Variants in CHFR observed in about 807,000 individuals in gnomAD.
CHFR encodes the protein checkpoint with forkhead and ring finger domains, also known as E3 ubiquitin-protein ligase CHFR.
In CHFR, 57 loss-of-function variants were observed where a neutral mutation model predicts 87.6. The ratio of observed to expected loss-of-function variants is 0.65; its 90% CI spans 0.53 to 0.81. CHFR has a LOEUF of 0.81. Among genes scored for constraint, CHFR ranks in the 30% least tolerant of loss-of-function variants. The probability of loss-of-function intolerance (pLI) is 0.00; values close to 1 mark genes in which losing one functional copy is unlikely to be tolerated. For synonymous variants in CHFR, 381 were observed against 359.2 expected (o/e 1.06, Z -0.69); for missense variants, 797 against 865.8 (o/e 0.92, Z 1.00).
intron 11 of CHFR, among the ~76,000 whole-genome samples, chr12:132,852,516 C>A (rs1349685606): frequency 6.8e-6 from 1 of 146,710 alleles, no homozygotes; most frequent in African/African-American, 2.4e-5. Context: ...ACAGGAAAGA[C>A]CCTGCGAGGT....
intron 15 of CHFR, among the ~76,000 whole-genome samples, chr12:132,846,285 C>T (rs1472663929): frequency 7.0e-5 from 8 of 114,530 alleles, no homozygotes; most frequent in African/African-American, 1.5e-4. Flanking sequence ...TTTTTTGAGA[C>T]GGAGTCTCGC....
At chr12:132,877,219 T>C (rs1307746007) in intron 3 of CHFR, among the ~76,000 whole-genome samples, 1 of 152,232 alleles carries the variant, frequency 6.6e-6, no homozygotes. Context: ...TACAACTGCC[T>C]ATAGCATTCA....
Position 132,878,446 on chromosome 12 carries a change from G to C in CHFR, c.134-792C>G, listed in dbSNP as rs533823179. Among the ~76,000 whole-genome samples the C allele has an allele frequency of 9.2e-5, 14 of 151,598 alleles. No homozygotes were observed. The East Asian group carries it at 2.5e-3, about 27-fold the overall frequency. On this transcript the variant is annotated intron_variant, in intron 2 of 17. Coordinates refer to ENST00000450056, the MANE Select transcript of CHFR (RefSeq NM_001161346.2). ...ATCGCGCCACTGCACTCCAGCCTTG[G>C]CGACAGAGCTAGACTCCAACTGGAA... is the stretch of plus-strand genomic sequence containing the variant.
intron 4 of CHFR, chr12:132,872,053 G>A: frequency 2.2e-6 from 1 of 458,428 alleles, no homozygotes; most frequent in South Asian, 4.5e-5. Flanking sequence ...TTTGGGATTG[G>A]CTGCTCATGG....
chr12:132,865,558 A>G (rs1310616637), intron 6 of CHFR, among the ~76,000 whole-genome samples: 1 of 151,252 alleles, frequency 6.6e-6, no homozygotes, highest in Non-Finnish European at 1.5e-5. Flanking sequence ...TTTTCAGTAG[A>G]GACGGGGTTT....
chr12:132,872,031 C>G (rs980355111), intron 4 of CHFR: 17 of 451,868 alleles, frequency 3.8e-5, no homozygotes, highest in African/African-American at 3.4e-4. Flanking sequence ...TCAGTTTCTC[C>G]TTGGCTGCCA....
chr12:132,861,641 G>A lies in CHFR; in HGVS notation c.584-7C>T. On this transcript the variant is annotated splice_region_variant and splice_polypyrimidine_tract_variant and intron_variant, in intron 6 of 17. Transcript: ENST00000450056. ...ATGCCACCACCCCCAGACCCTGTGA[G>A]AGGAATCAAACAAGATAGGTGCTGA... The A allele has an allele frequency of 6.2e-7, 1 of 1,613,502 alleles. No individual in the cohort carries two copies. Among genetic ancestry groups the A allele is most frequent in the East Asian group, 2.2e-5 (1 of 44,856 alleles).
rs969075027 is a variant in CHFR, at chr12:132,870,655, A to G, written c.403+69T>C. 6 of 1,114,324 alleles carry G rather than the reference A, an allele frequency of 5.4e-6. No homozygotes were observed. The Admixed American group carries it at 8.8e-5, about 16-fold the overall frequency. 69.0% of individuals were successfully genotyped at this position (1,114,324 alleles called of 1,614,324 possible). A position where few individuals can be genotyped will look rare whatever the true frequency, so the allele number is the denominator to read the frequency against. On this transcript the variant is annotated intron_variant, in intron 5 of 17. Coordinates refer to ENST00000450056, the MANE Select transcript of CHFR (RefSeq NM_001161346.2). ...AGCCTGGGTAACAGAGCGAGACTCCATCTCAAAACACAAAAGGAATGCTAT... is the reference window on the plus strand; with the variant it reads ...AGCCTGGGTAACAGAGCGAGACTCCGTCTCAAAACACAAAAGGAATGCTAT...
At position 132,861,489 on chromosome 12, in the gene CHFR, G is replaced by A. The variant is rs1025589682; in HGVS notation, c.729C>T (p.Pro243=). The A allele has an allele frequency of 5.0e-6, 8 of 1,613,960 alleles. No individual in the cohort carries two copies. Among genetic ancestry groups the A allele is most frequent in the African/African-American group, 2.7e-5 (2 of 74,920 alleles). The change falls in exon 7 of 18, where the codon CCC becomes CCT. Residue 243 remains proline, a synonymous_variant. Coordinates refer to ENST00000450056, the MANE Select transcript of CHFR (RefSeq NM_001161346.2). ...AACCTCCTCTCATTTTCTTCTTCAC[G>A]GGCTCCAAATCCTCCTGATCCTGGG... ...LEPQDQEDLE[P]VKKKMRGDGD...
chr12:132,856,873 G>A (rs974114224), intron 9 of CHFR, among the ~76,000 whole-genome samples: 8 of 148,182 alleles, frequency 5.4e-5, no homozygotes, highest in African/African-American at 1.8e-4. Context: ...CTGGTGTGTG[G>A]ATGCCCTCAC....
rs1950628020 is a variant in CHFR, at chr12:132,833,324, C to T, written c.*8230G>A. ...GGGCCGTCATTCATATTTATCGTAG[C>T]CTACTGTCTGCAAGTACTATTCTAG... On this transcript the variant is annotated 3_prime_UTR_variant, in exon 18 of 18. Transcript: ENST00000450056. 1 of 152,242 alleles carries T rather than the reference C, an allele frequency of 6.6e-6. No individual in the cohort carries two copies. Among genetic ancestry groups the T allele is most frequent in the African/African-American group, 2.4e-5 (1 of 41,458 alleles). The allele number at this position is 152,242 out of a possible 1,614,324, so 9.4% of individuals were successfully genotyped here.
intron 11 of CHFR, among the ~76,000 whole-genome samples, chr12:132,852,519 T>TG (rs56322519): frequency 0.15 from 23,101 of 152,090 alleles, 2,268 homozygotes; most frequent in South Asian, 0.22. Context: ...GGAAAGACCC[T>TG]GCGAGGTCAA....
At position 132,848,743 on chromosome 12, in the gene CHFR, C is replaced by T. The variant is rs756428896; in HGVS notation, c.1493-19G>A. 1.6e-5 allele frequency: 25 copies of T among 1,557,174 alleles called. No individual in the cohort carries two copies. The highest frequency in any genetic ancestry group is 1.7e-4 in the Middle Eastern group (1 of 5,990). On this transcript the variant is annotated intron_variant, in intron 12 of 17. Coordinates refer to ENST00000450056, the MANE Select transcript of CHFR (RefSeq NM_001161346.2). ...ACCGCACCTGTGGAGAGAGGACACT[C>T]GTTACACGCACTCAGCGCTGAGGGC...
chr12:132,837,272 A>C lies in CHFR; in HGVS notation c.*4282T>G, dbSNP rs919935542. ...AATGCAGTGGCTTAAACAACTACTT[A>C]TTTCTCATGATTATATGCTGGCTGC... On this transcript the variant is annotated 3_prime_UTR_variant, in exon 18 of 18. Coordinates refer to ENST00000450056, the MANE Select transcript of CHFR (RefSeq NM_001161346.2). The C allele has an allele frequency of 3.8e-5, 7 of 182,200 alleles. No homozygotes were observed. The highest frequency in any genetic ancestry group is 7.0e-5 in the Non-Finnish European group (6 of 85,648). The allele number at this position is 182,200 out of a possible 1,614,324, so 11.3% of individuals were successfully genotyped here.
At chr12:132,868,725 T>C (rs1951414500) in intron 6 of CHFR, among the ~76,000 whole-genome samples, 1 of 150,560 alleles carries the variant, frequency 6.6e-6, no homozygotes, top group South Asian at 2.1e-4. Flanking sequence ...CTGTGAAGTG[T>C]CTAGAACAGA....
chr12:132,850,964 C>CATATATATATAT (rs55826641), intron 12 of CHFR, among the ~76,000 whole-genome samples: 93 of 135,682 alleles, frequency 6.9e-4, no homozygotes, highest in African/African-American at 1.7e-3. Flanking sequence ...TATGTGTGTG[C>CATATATATATAT]ATATATATAT....
intron 12 of CHFR, 31 bp from the exon 13 acceptor site, chr12:132,848,755 T>C (rs2136934441): frequency 1.3e-6 from 2 of 1,512,904 alleles, no homozygotes; most frequent in Middle Eastern, 1.7e-4. Flanking sequence ...TTACACGCAC[T>C]CAGCGCTGAG....
chr12:132,887,033 G>C (rs1258582683), intron 2 of CHFR, among the ~76,000 whole-genome samples, 163 bp downstream of exon 2: 4 of 152,210 alleles, frequency 2.6e-5, no homozygotes, highest in African/African-American at 9.7e-5. Context: ...TGAATCATGC[G>C]CAAGAATCGG....
At chr12:132,844,317 C>A (rs1566174088) in intron 15 of CHFR, among the ~76,000 whole-genome samples, 183 bp from the exon 16 acceptor site, 1 of 152,244 alleles carries the variant, frequency 6.6e-6, no homozygotes, top group Non-Finnish European at 1.5e-5. Context: ...CGGAGTCTCG[C>A]TCTGTCGCCC....
Sources: gnomAD v4.1 joint callset for allele counts (sites outside exome capture counted in the v4.1 genomes callset) on GRCh38, gnomAD v4.1.1 for gene constraint, MANE v1.5 for transcripts, NCBI Gene and HGNC (gene_info 2026-07-23, HGNC 2026-07-21) for gene names.